Variants in CREBBP observed in about 807,000 individuals in gnomAD.
CREBBP encodes the protein CREB-binding protein.
CREBBP carries 19 observed loss-of-function variants against 265.0 expected under a neutral mutation model. The ratio of observed to expected loss-of-function variants is 0.07; its 90% CI spans 0.05 to 0.11. The LOEUF (loss-of-function observed/expected upper bound fraction) is 0.11, where lower values mean the gene tolerates loss of function less well. Among genes scored for constraint, CREBBP ranks in the 10% least tolerant of loss-of-function variants. The probability of loss-of-function intolerance (pLI) is 1.00; values close to 1 mark genes in which losing one functional copy is unlikely to be tolerated. For synonymous variants in CREBBP, 1,457 were observed against 1,223.7 expected (o/e 1.19, Z -3.98); for missense variants, 2,525 against 3,219.0 (o/e 0.78, Z 5.22).
At chr16:3,733,939 G>C (rs1360375970) in intron 28 of CREBBP, among the ~76,000 whole-genome samples, 1 of 152,188 alleles carries the variant, frequency 6.6e-6, no homozygotes, top group Non-Finnish European at 1.5e-5. Flanking sequence ...ACCACGCCCG[G>C]CCTGGAAGTC....
chr16:3,744,308 C>T (rs919941376), intron 23 of CREBBP, among the ~76,000 whole-genome samples: 1 of 152,034 alleles, frequency 6.6e-6, no homozygotes, highest in Non-Finnish European at 1.5e-5. Context: ...CCACATAGGG[C>T]CCAGGGTTAG....
intron 1 of CREBBP, among the ~76,000 whole-genome samples, chr16:3,865,720 C>A (rs1443573363): frequency 3.9e-5 from 6 of 151,930 alleles, no homozygotes; most frequent in African/African-American, 1.2e-4. Context: ...CTCACTGCAA[C>A]CTCCACCTTC....
At chr16:3,786,276 G>A (rs1398030819) in intron 5 of CREBBP, among the ~76,000 whole-genome samples, 2 of 152,128 alleles carry the variant, frequency 1.3e-5, no homozygotes, top group Non-Finnish European at 2.9e-5. Context: ...TGAGGCAGGA[G>A]AACCGCTTGA....
intron 5 of CREBBP, among the ~76,000 whole-genome samples, chr16:3,790,719 C>T (rs2053488893): frequency 6.6e-6 from 1 of 152,120 alleles, no homozygotes. Context: ...GCCCCATTAC[C>T]CTGGCATTTC....
chr16:3,749,521 C>T (rs1596834604), intron 21 of CREBBP, 106 bp downstream of exon 21: 3 of 751,286 alleles, frequency 4.0e-6, no homozygotes, highest in Admixed American at 2.5e-5. Flanking sequence ...ATTCCACTTA[C>T]GGCAACATAT....
At chr16:3,780,618 C>T in intron 8 of CREBBP, 114 bp downstream of exon 8, 9 of 1,119,216 alleles carry the variant, frequency 8.0e-6, no homozygotes, top group Non-Finnish European at 1.2e-5. Context: ...GTGAGAGTGG[C>T]TCCCTAAATA....
At chr16:3,769,488 C>A in intron 14 of CREBBP, 135 bp from the exon 15 acceptor site, 1 of 1,083,250 alleles carries the variant, frequency 9.2e-7, no homozygotes, top group Non-Finnish European at 1.4e-6. Flanking sequence ...TCTGTGAAAC[C>A]GAAGAACAGG....
At chr16:3,795,409 C>T (rs138160301) in intron 3 of CREBBP, among the ~76,000 whole-genome samples, 5 of 152,118 alleles carry the variant, frequency 3.3e-5, no homozygotes, top group Admixed American at 3.3e-4. Context: ...TAAATGTTTA[C>T]GTATGAACCA....
intron 1 of CREBBP, among the ~76,000 whole-genome samples, chr16:3,857,976 C>A (rs2054997989): frequency 6.6e-6 from 1 of 152,198 alleles, no homozygotes; most frequent in African/African-American, 2.4e-5. Flanking sequence ...CAGCCAAACT[C>A]AGCCAGCCTC....
intron 2 of CREBBP, among the ~76,000 whole-genome samples, chr16:3,815,730 C>A (rs1462947168): frequency 6.6e-6 from 1 of 151,732 alleles, no homozygotes; most frequent in African/African-American, 2.4e-5. Context: ...CAGGCATGCA[C>A]TGTGTAATAA....
At chr16:3,846,895 G>C (rs2054679406) in intron 2 of CREBBP, among the ~76,000 whole-genome samples, 1 of 152,294 alleles carries the variant, frequency 6.6e-6, no homozygotes, top group Non-Finnish European at 1.5e-5. Flanking sequence ...TAACTCTCTG[G>C]TTCTTACTCT....
chr16:3,816,876 T>A (rs1459866154), intron 2 of CREBBP, among the ~76,000 whole-genome samples: 1 of 151,936 alleles, frequency 6.6e-6, no homozygotes, highest in Non-Finnish European at 1.5e-5. Flanking sequence ...ACGCAGCCCC[T>A]AGGAATAGAG....
intron 13 of CREBBP, among the ~76,000 whole-genome samples, chr16:3,771,955 C>A (rs916701218): frequency 6.6e-6 from 1 of 151,862 alleles, no homozygotes; most frequent in Non-Finnish European, 1.5e-5. Context: ...GGATTACAGG[C>A]GTGCAATACC....
chr16:3,869,336 A>G (rs1454649531), intron 1 of CREBBP, among the ~76,000 whole-genome samples: 4 of 152,256 alleles, frequency 2.6e-5, no homozygotes, highest in Non-Finnish European at 5.9e-5. Context: ...ACATCACAGC[A>G]TAACAAATAT....
intron 2 of CREBBP, among the ~76,000 whole-genome samples, chr16:3,849,426 T>TGTGTGTGTGTG (rs2054748881): frequency 2.6e-4 from 2 of 7,778 alleles, no homozygotes; most frequent in Non-Finnish European, 3.2e-3. Context: ...TGTGTGTGTG[T>TGTGTGTGTGTG]GTGTGTGTGT....
chr16:3,759,073 A>G, intron 16 of CREBBP, 101 bp from the exon 17 acceptor site: 1 of 922,346 alleles, frequency 1.1e-6, no homozygotes, highest in Non-Finnish European at 1.8e-6. Context: ...CATCCCAGCC[A>G]CGATGCTCCT....
In CREBBP at chr16:3,879,999, T is replaced by G. The variant is rs771752662; in HGVS notation, c.-83A>C. On this transcript the variant is annotated 5_prime_UTR_variant, in exon 1 of 31. Transcript: ENST00000262367. ...GACGGGGGTCGGGGGCCCTGCCGGCTGCGAGGGAGAGGAGCGAGCGCGGGC... is the reference window on the plus strand; with the variant it reads ...GACGGGGGTCGGGGGCCCTGCCGGCGGCGAGGGAGAGGAGCGAGCGCGGGC... The G allele has an allele frequency of 7.3e-7, 1 of 1,373,118 alleles. No individual in the cohort carries two copies. The allele number at this position is 1,373,118 out of a possible 1,614,324, so 85.1% of individuals were successfully genotyped here.
intron 1 of CREBBP, 142 bp downstream of exon 1, chr16:3,879,690 G>T: frequency 1.1e-6 from 1 of 913,214 alleles, no homozygotes; most frequent in Non-Finnish European, 1.7e-6. Flanking sequence ...ACCCTCCCGC[G>T]CGGGGCGAGG....
In CREBBP at chr16:3,731,996, C is replaced by T. The variant is rs185620735; in HGVS notation, c.4729-59G>A. 10,510 of 1,613,060 alleles carry T rather than the reference C, an allele frequency of 6.5e-3. 50 individuals are homozygous for T. Among genetic ancestry groups the T allele is most frequent in the Non-Finnish European group, 8.0e-3 (9,466 of 1,179,988 alleles). Reference sequence around the variant, plus strand: ...AGTGCCCCTCCACACTTGGCACGGACGCCCAGCTCCCAGGCCGTGGGCATC... The same window carrying T: ...AGTGCCCCTCCACACTTGGCACGGATGCCCAGCTCCCAGGCCGTGGGCATC... On this transcript the variant is annotated intron_variant, in intron 28 of 30. Coordinates refer to ENST00000262367, the MANE Select transcript of CREBBP (RefSeq NM_004380.3). The surrounding 1 kb of genome is among the most constrained non-coding windows in gnomAD (Gnocchi z 7.7).
Sources: gnomAD v4.1 joint callset for allele counts (sites outside exome capture counted in the v4.1 genomes callset) on GRCh38, gnomAD v4.1.1 for gene constraint, Gnocchi (gnomAD v3.1) non-coding constraint, MANE v1.5 for transcripts, NCBI Gene and HGNC (gene_info 2026-07-23, HGNC 2026-07-21) for gene names.